MGST1: variants seen among roughly 807,000 people sequenced by gnomAD.
MGST1 encodes microsomal glutathione S-transferase 1.
Under a neutral mutation model 8.9 loss-of-function variants are expected in MGST1, and 5 were observed. That is an observed-to-expected ratio of 0.56 (90% CI 0.29 to 1.19). The LOEUF is 1.19. MGST1 is among the 50% of genes most tolerant of loss of function. The probability of loss-of-function intolerance (pLI) is 0.08; values close to 1 mark genes in which losing one functional copy is unlikely to be tolerated. For synonymous variants in MGST1, 54 were observed against 67.8 expected (o/e 0.80, Z 1.00); for missense variants, 182 against 187.4 (o/e 0.97, Z 0.17).
At chr12:16,447,598 C>G (rs1371102318) in intron 4 of MGST1, among the ~76,000 whole-genome samples, 1 of 151,844 alleles carries the variant, frequency 6.6e-6, no homozygotes, top group African/African-American at 2.4e-5. Flanking sequence ...GTCGGGATAC[C>G]AGGGATTCCT....
intron 1 of MGST1, among the ~76,000 whole-genome samples, chr12:16,427,301 GAA>G (rs1198397829): frequency 6.6e-6 from 1 of 152,102 alleles, no homozygotes; most frequent in African/African-American, 2.4e-5. Flanking sequence ...AGGGCAGAGG[GAA>G]AGAGATGAAA....
At position 16,587,388 on chromosome 12, in the gene MGST1, G is replaced by A. The variant is rs1318329704; in HGVS notation, n.483-2140G>A. On this transcript the variant is annotated intron_variant and non_coding_transcript_variant, in intron 4 of 4. Transcript: ENST00000538857. The surrounding 1 kb of genome is among the most constrained non-coding windows in gnomAD (Gnocchi z 4.3). ...TAAAACGTTTCACTTAAACATTTCT[G>A]CAATAAAATCTTATTGAACTGTTGC... 6.6e-6 allele frequency among the ~76,000 whole-genome samples: 1 copy of A among 152,106 alleles called. No homozygotes were observed. Among genetic ancestry groups the A allele is most frequent in the East Asian group, 1.9e-4 (1 of 5,188 alleles).
rs1265373908 is a variant in MGST1, at chr12:16,497,589, TTTTTCTGATTG to T, written n.483-91930_483-91920del. Among the ~76,000 whole-genome samples the T allele has an allele frequency of 6.6e-6, 1 of 152,156 alleles. No homozygotes were observed. The highest frequency in any genetic ancestry group is 6.6e-5 in the Admixed American group (1 of 15,252). On this transcript the variant is annotated intron_variant and non_coding_transcript_variant, in intron 4 of 4. Coordinates refer to the MGST1 transcript ENST00000538857. The surrounding 1 kb of genome is among the most constrained non-coding windows in gnomAD (Gnocchi z 4.4). ...ATTTTATGTCTCAGTGCAATCAAAG[TTTTTCTGATTG>T]TTTTCTGAATTTATAGAAAAGGGAG...
At chr12:16,377,512 T>C (rs1940401523), downstream of MGST1, among the ~76,000 whole-genome samples, 4 of 152,112 alleles carry the variant, frequency 2.6e-5, no homozygotes, top group Admixed American at 1.3e-4. Flanking sequence ...TTCCACGGTG[T>C]ATATGTGCCA....
At chr12:16,461,225 C>T (rs1470238761) in intron 4 of MGST1, among the ~76,000 whole-genome samples, 3 of 149,536 alleles carry the variant, frequency 2.0e-5, no homozygotes, top group Non-Finnish European at 4.4e-5. Flanking sequence ...CTTGTTCAAA[C>T]TCAGGCTGCC....
chr12:16,501,098 G>GAAAAAAAAA (rs71054822), intron 4 of MGST1, among the ~76,000 whole-genome samples: 9 of 83,780 alleles, frequency 1.1e-4, no homozygotes, highest in East Asian at 3.4e-4. Flanking sequence ...ACTCTGTCTC[G>GAAAAAAAAA]AAAAAAAAAA....
At chr12:16,552,426 C>G (rs975114066) in intron 4 of MGST1, among the ~76,000 whole-genome samples, 1 of 151,942 alleles carries the variant, frequency 6.6e-6, no homozygotes, top group Non-Finnish European at 1.5e-5. Flanking sequence ...TGAAAGCCAC[C>G]CTTTAATGTT....
chr12:16,375,395 A>G (rs1392834371), intron 3 of MGST1, among the ~76,000 whole-genome samples: 1 of 152,184 alleles, frequency 6.6e-6, no homozygotes, highest in African/African-American at 2.4e-5. Flanking sequence ...CATTGAAAGT[A>G]AAAAGAAACA....
In MGST1 at chr12:16,555,303, C is replaced by A. The variant is rs999095567; in HGVS notation, n.483-34225C>A. On this transcript the variant is annotated intron_variant and non_coding_transcript_variant, in intron 4 of 4. Transcript: ENST00000538857. This position sits in a 1 kb window ranked among gnomAD's most constrained non-coding sequence, Gnocchi z 5.5. ...CATTGCCTCCATCAACATCTTCTGA[C>A]CATGTAAATTTGCTTATTCTGATGT... Among the ~76,000 whole-genome samples the A allele has an allele frequency of 7.2e-5, 11 of 152,166 alleles. No individual in the cohort carries two copies. The highest frequency in any genetic ancestry group is 2.7e-4 in the African/African-American group (11 of 41,440).
At position 16,480,773 on chromosome 12, in the gene MGST1, G is replaced by T. The variant is rs76185270; in HGVS notation, n.482+97169G>T. On this transcript the variant is annotated intron_variant and non_coding_transcript_variant, in intron 4 of 4. Transcript: ENST00000538857. ...TCTCACATATTTTTTTTGTTTGTTT[G>T]ATTAAACCATCCTTTGGCTAGGCCT... 3.7e-3 allele frequency among the ~76,000 whole-genome samples: 570 copies of T among 152,022 alleles called. 4 individuals carry two copies. Among genetic ancestry groups the T allele is most frequent in the African/African-American group, 0.013 (536 of 41,488 alleles).
intron 1 of MGST1, among the ~76,000 whole-genome samples, chr12:16,395,581 TC>T (rs1216285737): frequency 2.0e-5 from 3 of 151,478 alleles, no homozygotes; most frequent in Non-Finnish European, 4.4e-5. Flanking sequence ...CTCCCCCACT[TC>T]CCCCAAGTCC....
downstream of MGST1, among the ~76,000 whole-genome samples, chr12:16,369,289 C>T (rs1257744471): frequency 6.6e-6 from 1 of 152,136 alleles, no homozygotes; most frequent in Non-Finnish European, 1.5e-5. This position sits in a 1 kb window ranked among gnomAD's most constrained non-coding sequence, Gnocchi z 4.8. Flanking sequence ...CACAATAATT[C>T]TGCATGATAA....
Position 16,430,612 on chromosome 12 carries a change from A to AT in MGST1, n.779-6776_779-6775insT, listed in dbSNP as rs563190010. The stretch of plus-strand genomic sequence containing the variant: ...CAATGAGTGGTAATATTTTGAAAGA[A>AT]ATTTTTTTTTTCTGAGCAGTAGGTC... On this transcript the variant is annotated intron_variant and non_coding_transcript_variant, in intron 1 of 1. Coordinates refer to the MGST1 transcript ENST00000359720. Among the ~76,000 whole-genome samples, 4 of 92,604 alleles carry AT rather than the reference A, an allele frequency of 4.3e-5. No homozygotes were observed. The South Asian group carries it at 1.5e-3, about 34-fold the overall frequency. 60.8% of individuals were successfully genotyped at this position (92,604 alleles called of 152,430 possible).
rs1941459635 is a variant in MGST1, at chr12:16,494,818, C to T, written n.483-94710C>T. Among the ~76,000 whole-genome samples the T allele has an allele frequency of 3.3e-5, 5 of 152,082 alleles. 1 individual carries two copies. In the South Asian group the frequency reaches 1.0e-3, roughly 32 times the overall value. On this transcript the variant is annotated intron_variant and non_coding_transcript_variant, in intron 4 of 4. Transcript: ENST00000538857. ...GTAAACGTGAAAATCATCATCAAAACAGAAAGCCAGATTGTTCTTGGTCCT... is the reference window on the plus strand; with the variant it reads ...GTAAACGTGAAAATCATCATCAAAATAGAAAGCCAGATTGTTCTTGGTCCT...
chr12:16,405,556 C>T (rs1050756276), intron 1 of MGST1, among the ~76,000 whole-genome samples: 1 of 152,192 alleles, frequency 6.6e-6, no homozygotes, highest in African/African-American at 2.4e-5. Flanking sequence ...TCCTCTCCAA[C>T]TCATTCTATG....
chr12:16,407,755 C>T (rs1048066567), intron 1 of MGST1, among the ~76,000 whole-genome samples: 6 of 151,866 alleles, frequency 4.0e-5, no homozygotes, highest in South Asian at 2.1e-4. Context: ...CAAGATTGGC[C>T]GATTGCAGTG....
chr12:16,423,228 CA>C (rs1940853487), intron 1 of MGST1, among the ~76,000 whole-genome samples: 1 of 152,162 alleles, frequency 6.6e-6, no homozygotes, highest in Non-Finnish European at 1.5e-5. Context: ...CATGTGGGAG[CA>C]TACATCTGAT....
intron 4 of MGST1, among the ~76,000 whole-genome samples, chr12:16,558,360 G>A (rs1326232066): frequency 6.6e-6 from 1 of 151,950 alleles, no homozygotes; most frequent in Non-Finnish European, 1.5e-5. Context: ...AAGTAGAAAA[G>A]CAATGACTTT....
At chr12:16,360,253 C>T (rs2136976331) in intron 3 of MGST1, 2 of 701,056 alleles carry the variant, frequency 2.9e-6, no homozygotes, top group Non-Finnish European at 3.4e-6. Flanking sequence ...TCTTCCCTTT[C>T]CATTTTTAAG....
Sources: allele counts gnomAD v4.1 joint callset (sites outside exome capture counted in the v4.1 genomes callset), GRCh38; gene constraint gnomAD v4.1.1; non-coding constraint Gnocchi (gnomAD v3.1); transcripts MANE v1.5; gene names NCBI Gene and HGNC (gene_info 2026-07-23, HGNC 2026-07-21).